YBX1: variants seen among roughly 807,000 people sequenced by gnomAD.
The protein encoded by YBX1 is Y-box binding protein 1.
A neutral mutation model predicts 41.4 loss-of-function variants in YBX1; 3 were observed. The ratio of observed to expected loss-of-function variants is 0.07; its 90% CI spans 0.03 to 0.19. The LOEUF (loss-of-function observed/expected upper bound fraction) is 0.19, where lower values mean the gene tolerates loss of function less well. Ranked by LOEUF, YBX1 falls within the 10% of genes least tolerant of loss-of-function variation. The probability of loss-of-function intolerance (pLI) is 1.00; values close to 1 mark genes in which losing one functional copy is unlikely to be tolerated. For synonymous variants in YBX1, 133 were observed against 165.8 expected, an observed-to-expected ratio of 0.80 and a Z score of 1.52; for missense variants, 274 against 462.8, an observed-to-expected ratio of 0.59 and a Z score of 3.74.
At position 42,700,857 on chromosome 1, in the gene YBX1, G is replaced by A. The variant is rs777886244; in HGVS notation, c.817G>A (p.Gly273Ser). 1.9e-6 allele frequency: 3 copies of A among 1,613,666 alleles called. No homozygotes were observed. In the South Asian group the frequency reaches 3.3e-5, roughly 18 times the overall value. The part of the protein sequence containing the change: ...DKENQGDETQ[G>S]QQPPQRRYRR... ...AGAAAATCAAGGAGATGAGACCCAA[G>A]GTCAGCAGCCACCTCAACGTCGGTA... The change falls in exon 7 of 8, where the codon GGT becomes AGT. Residue 273 changes from glycine (G) to serine (S), a missense_variant. Transcript: ENST00000321358.
rs570151459 is a variant in YBX1, at chr1:42,702,881, T to C, written c.*932T>C. Among the ~76,000 whole-genome samples the C allele has an allele frequency of 2.4e-3, 365 of 152,266 alleles. 2 individuals carry two copies. The highest frequency in any genetic ancestry group is 8.5e-3 in the African/African-American group (355 of 41,552). On this transcript the variant is annotated 3_prime_UTR_variant, in exon 8 of 8. Transcript: ENST00000321358. ...CTTAGGAACATGGAGGTTGGTGAGC[T>C]TGTAATTATGTGGTTCTCAACACCT...
At position 42,700,912 on chromosome 1, in the gene YBX1, G is replaced by A. The variant is rs1056256545; in HGVS notation, c.872G>A (p.Arg291His). Reference protein sequence around the residue: ...YRRNFNYRRRRPENPKPQDGK... With the variant: ...YRRNFNYRRRHPENPKPQDGK... The stretch of plus-strand genomic sequence containing the variant: ...CGCAACTTCAATTACCGACGCAGAC[G>A]CCCAGAAAACCCTAAACCACAAGAT... Residue 291 changes from arginine to histidine, a missense_variant, in exon 7 of 8, where the codon CGC becomes CAC. By Grantham distance (29) the Arg-to-His change is conservative. This residue lies in a region of YBX1 where 187 missense variants were observed against 306.3 expected (regional missense o/e 0.61). Coordinates refer to ENST00000321358, the MANE Select transcript of YBX1 (RefSeq NM_004559.5). 1.7e-5 allele frequency: 27 copies of A among 1,613,890 alleles called. No homozygotes were observed. The highest frequency in any genetic ancestry group is 2.2e-5 in the Non-Finnish European group (26 of 1,180,008).
chr1:42,684,625 A>C (rs1276405604), intron 2 of YBX1, among the ~76,000 whole-genome samples: 2 of 152,186 alleles, frequency 1.3e-5, no homozygotes, highest in Non-Finnish European at 2.9e-5. Flanking sequence ...CTACTTTTGC[A>C]ATTGTGGGAA....
chr1:42,694,946 G>T (rs943775661), intron 3 of YBX1, among the ~76,000 whole-genome samples: 1 of 152,106 alleles, frequency 6.6e-6, no homozygotes, highest in Non-Finnish European at 1.5e-5. Context: ...TGGAGATGTT[G>T]ATAAAAATAA....
intron 2 of YBX1, among the ~76,000 whole-genome samples, chr1:42,692,440 A>G (rs954921839): frequency 6.6e-6 from 1 of 151,948 alleles, no homozygotes; most frequent in African/African-American, 2.4e-5. Flanking sequence ...TTTACAGTTT[A>G]CCTGTTCTGT....
rs1650616850 is a variant in YBX1, at chr1:42,702,114, C to T, written c.*165C>T. 6.5e-6 allele frequency: 1 copy of T among 154,478 alleles called. No individual in the cohort carries two copies. The highest frequency in any genetic ancestry group is 2.4e-5 in the African/African-American group (1 of 41,448). The allele number at this position is 154,478 out of a possible 1,614,324, so 9.6% of individuals were successfully genotyped here. A position where few individuals can be genotyped will look rare whatever the true frequency, so the allele number is the denominator to read the frequency against. ...AGAACTATCTGCATTATCTATGCAG[C>T]ATGGGGTTTTTATTATTTTTACCTA... On this transcript the variant is annotated 3_prime_UTR_variant, in exon 8 of 8. Transcript: ENST00000321358.
intron 2 of YBX1, 136 bp downstream of exon 2, chr1:42,683,602 A>G (rs2148734413): frequency 1.1e-6 from 1 of 934,002 alleles, no homozygotes; most frequent in Non-Finnish European, 1.6e-6. Context: ...TATTAGTATG[A>G]TTTTTTGTTG....
chr1:42,683,078 C>T, intron 1 of YBX1: 1 of 509,586 alleles, frequency 2.0e-6, no homozygotes, highest in Non-Finnish European at 3.7e-6. Context: ...CAGCTCCCTT[C>T]CGCGTGTGCT....
chr1:42,687,206 G>A (rs538724680), intron 2 of YBX1, among the ~76,000 whole-genome samples: 1 of 152,310 alleles, frequency 6.6e-6, no homozygotes, highest in African/African-American at 2.4e-5. Flanking sequence ...AAGAATTAAA[G>A]GAGAGAATGT....
intron 1 of YBX1, chr1:42,683,064 C>A (rs1285225567): frequency 4.3e-6 from 2 of 469,992 alleles, no homozygotes; most frequent in Non-Finnish European, 8.1e-6. Context: ...GCGTCACCCC[C>A]ACCCAGCTCC....
At chr1:42,694,655 T>C (rs1650416797) in intron 3 of YBX1, among the ~76,000 whole-genome samples, 1 of 152,240 alleles carries the variant, frequency 6.6e-6, no homozygotes, top group Admixed American at 6.5e-5. Context: ...TATCAATTTC[T>C]AGTACACCCA....
chr1:42,690,100 C>G (rs916996517), intron 2 of YBX1, among the ~76,000 whole-genome samples: 3 of 152,030 alleles, frequency 2.0e-5, no homozygotes, highest in African/African-American at 7.2e-5. Context: ...TACCTGTAAT[C>G]CCAGCTACTC....
intron 3 of YBX1, among the ~76,000 whole-genome samples, chr1:42,695,081 T>G (rs1336196461): frequency 6.6e-6 from 1 of 152,250 alleles, no homozygotes; most frequent in Non-Finnish European, 1.5e-5. Flanking sequence ...GATCAATTAT[T>G]TGACTCAACT....
chr1:42,696,387 AGG>A lies in YBX1; in HGVS notation c.354+100_354+101del. The A allele has an allele frequency of 1.6e-6, 2 of 1,260,716 alleles. No individual in the cohort carries two copies. The highest frequency in any genetic ancestry group is 1.4e-5 in the South Asian group (1 of 70,760). 78.1% of individuals were successfully genotyped at this position (1,260,716 alleles called of 1,614,324 possible). On this transcript the variant is annotated intron_variant, in intron 4 of 7. Coordinates refer to ENST00000321358, the MANE Select transcript of YBX1 (RefSeq NM_004559.5). The surrounding 1 kb of genome is among the most constrained non-coding windows in gnomAD (Gnocchi z 5.7). Reference sequence around the variant, plus strand: ...GGCTCTAATGTGGATGGATGTGTTCAGGTGACCTCATGAACACAGGTGCATCA... The same window carrying A: ...GGCTCTAATGTGGATGGATGTGTTCATGACCTCATGAACACAGGTGCATCA...
At chr1:42,683,072 T>C in intron 1 of YBX1, 1 of 493,146 alleles carries the variant, frequency 2.0e-6, no homozygotes, top group Admixed American at 2.6e-5. Flanking sequence ...CCCACCCAGC[T>C]CCCTTCCGCG....
chr1:42,693,203 G>A (rs1427112765), intron 2 of YBX1, among the ~76,000 whole-genome samples: 2 of 151,974 alleles, frequency 1.3e-5, no homozygotes, highest in East Asian at 3.9e-4. Flanking sequence ...AGGAGGGGCA[G>A]AATATATTTT....
rs550205676 is a variant in YBX1, at chr1:42,703,754, C to T, written c.*1805C>T. Among the ~76,000 whole-genome samples the T allele has an allele frequency of 6.6e-6, 1 of 152,176 alleles. No homozygotes were observed. The highest frequency in any genetic ancestry group is 2.4e-5 in the African/African-American group (1 of 41,518). On this transcript the variant is annotated 3_prime_UTR_variant, in exon 8 of 8. Transcript: ENST00000321358. Reference sequence around the variant, plus strand: ...CAGAGTTGAAAAATCATAAATGAAACCATTGTAAGTTGACTGCAGTGTTGC... The same window carrying T: ...CAGAGTTGAAAAATCATAAATGAAATCATTGTAAGTTGACTGCAGTGTTGC...
intron 7 of YBX1, 76 bp downstream of exon 7, chr1:42,701,122 GA>G (rs1650590528): frequency 2.8e-6 from 3 of 1,061,464 alleles, no homozygotes; most frequent in Admixed American, 5.0e-5. Flanking sequence ...TGCAAGAGTA[GA>G]AAAACCTCAG....
At chr1:42,682,757 G>A (rs1449222220) in intron 1 of YBX1, 26 bp downstream of exon 1, 2 of 1,197,940 alleles carry the variant, frequency 1.7e-6, no homozygotes, top group African/African-American at 3.2e-5. Flanking sequence ...GGACGGGGGT[G>A]GGGCCCTCGG....
Sources: gnomAD v4.1 joint callset for allele counts (sites outside exome capture counted in the v4.1 genomes callset) on GRCh38, gnomAD v4.1.1 for gene constraint, gnomAD v4.1.1 regional missense constraint, Gnocchi (gnomAD v3.1) non-coding constraint, MANE v1.5 for transcripts, NCBI Gene and HGNC (gene_info 2026-07-23, HGNC 2026-07-21) for gene names.